Variants in LTF observed in about 807,000 individuals in gnomAD.
The protein encoded by LTF is epididymis luminal protein 110.
In LTF, 91 loss-of-function variants were observed where a neutral mutation model predicts 87.2. The observed-to-expected ratio is 1.04, with a 90% confidence interval of 0.88 to 1.24. LTF has a LOEUF of 1.24. Among genes scored for constraint, LTF ranks in the 50% most tolerant of loss-of-function variants. The probability of loss-of-function intolerance (pLI) is 0.00; values close to 1 mark genes in which losing one functional copy is unlikely to be tolerated. For missense variants in LTF, 901 were observed against 904.3 expected, an observed-to-expected ratio of 1.00 and a Z score of 0.05; for synonymous variants, 378 against 356.1, an observed-to-expected ratio of 1.06 and a Z score of -0.69.
At chr3:46,481,165 A>G (rs7374925) in intron 1 of LTF, among the ~76,000 whole-genome samples, 127,274 of 152,206 alleles carry the variant, frequency 0.84, 53,825 homozygotes, top group East Asian at 0.99. Context: ...GACCTCTTCC[A>G]TCCTGCAACT....
upstream of LTF, among the ~76,000 whole-genome samples, chr3:46,466,426 G>A (rs1703214805): frequency 1.3e-5 from 2 of 152,182 alleles, no homozygotes; most frequent in South Asian, 4.1e-4. Flanking sequence ...GCATTTCCTG[G>A]AGCAGATAGG....
chr3:46,441,227 C>T (rs1007738723), intron 14 of LTF, among the ~76,000 whole-genome samples, 189 bp downstream of exon 14: 4 of 151,834 alleles, frequency 2.6e-5, no homozygotes, highest in Non-Finnish European at 5.9e-5. Flanking sequence ...GTATGAATTT[C>T]GTTTCAAAAT....
chr3:46,465,197 C>A, upstream of LTF: 1 of 416,530 alleles, frequency 2.4e-6, no homozygotes, highest in Non-Finnish European at 4.3e-6. Flanking sequence ...GCTCTGGTCT[C>A]AGTGCCTTCT....
chr3:46,465,650 G>C (rs188728065), upstream of LTF, among the ~76,000 whole-genome samples: 398 of 146,368 alleles, frequency 2.7e-3, 1 homozygote, highest in African/African-American at 9.8e-3. Context: ...CTTCTTTTTT[G>C]GTGTTGATAG....
chr3:46,477,270 A>G (rs757900039), intron 1 of LTF, among the ~76,000 whole-genome samples: 19 of 152,212 alleles, frequency 1.2e-4, no homozygotes, highest in Non-Finnish European at 2.5e-4. Flanking sequence ...TTCTTTCAAT[A>G]TTCTTCAGAG....
exon 2 of LTF, chr3:46,470,402 A>G (rs538800219): frequency 1.3e-5 from 2 of 152,484 alleles, no homozygotes; most frequent in African/African-American, 4.8e-5. Flanking sequence ...ACAAGGTTGC[A>G]TTCTGGAGGG....
At chr3:46,459,273 G>T (rs1330170474) in intron 2 of LTF, among the ~76,000 whole-genome samples, 2 of 152,264 alleles carry the variant, frequency 1.3e-5, no homozygotes, top group African/African-American at 2.4e-5. Flanking sequence ...CGGTGACCAG[G>T]ACAAGCTTCT....
At chr3:46,438,272 C>A in intron 15 of LTF, 143 bp from the exon 16 acceptor site, 1 of 712,358 alleles carries the variant, frequency 1.4e-6, no homozygotes, top group Non-Finnish European at 2.4e-6. Context: ...GTCATTCCAC[C>A]TCCTTAGTGG....
At chr3:46,460,352 G>A (rs4234463) in intron 1 of LTF, among the ~76,000 whole-genome samples, 4 of 152,038 alleles carry the variant, frequency 2.6e-5, no homozygotes, top group African/African-American at 4.8e-5. Flanking sequence ...ATATACCTGA[G>A]TCGGTTGGTA....
At chr3:46,455,189 C>T (rs1386953023) in intron 5 of LTF, 106 bp downstream of exon 5, 9 of 1,373,274 alleles carry the variant, frequency 6.6e-6, no homozygotes, top group Middle Eastern at 2.2e-4. Context: ...GACCTCCTCT[C>T]GTCCCCAAGA....
intron 10 of LTF, among the ~76,000 whole-genome samples, chr3:46,446,946 G>T (rs950833684): frequency 1.2e-4 from 18 of 152,156 alleles, no homozygotes; most frequent in Non-Finnish European, 2.9e-5. Context: ...GGGGGCGGGG[G>T]ACAGGAGGAC....
intron 6 of LTF, 137 bp from the exon 7 acceptor site, chr3:46,450,810 G>A (rs953767889): frequency 2.4e-5 from 17 of 721,672 alleles, no homozygotes; most frequent in South Asian, 2.1e-4. Flanking sequence ...AAAGGCAGGG[G>A]TTTGCTCCAG....
In LTF at chr3:46,437,850, C is replaced by A; in HGVS notation, c.2098+90G>T. ...TTATCTTTCCTTAACATTTTTACAC[C>A]TGTGTTCGTTCCTAGAATGCTGTTT... On this transcript the variant is annotated intron_variant, in intron 16 of 16. Coordinates refer to ENST00000231751, the MANE Select transcript of LTF (RefSeq NM_002343.6). 7 of 927,762 alleles carry A rather than the reference C, an allele frequency of 7.5e-6. No individual in the cohort carries two copies. The South Asian group carries it at 1.0e-4, about 13-fold the overall frequency. The allele number at this position is 927,762 out of a possible 1,614,324, so 57.5% of individuals were successfully genotyped here. A position where few individuals can be genotyped will look rare whatever the true frequency, so the allele number is the denominator to read the frequency against.
At chr3:46,464,743 G>C in intron 1 of LTF, 82 bp downstream of exon 1, 1 of 1,522,750 alleles carries the variant, frequency 6.6e-7, no homozygotes, top group Admixed American at 1.8e-5. Context: ...CAGCCAACCG[G>C]ACACAGGGAC....
intron 1 of LTF, among the ~76,000 whole-genome samples, chr3:46,471,348 C>G (rs1190569170): frequency 6.6e-6 from 1 of 152,180 alleles, no homozygotes; most frequent in African/African-American, 2.4e-5. Flanking sequence ...CCCTCTCTGC[C>G]TTAAACACCT....
At chr3:46,455,587 AC>A (rs1702908423) in intron 4 of LTF, 145 bp from the exon 5 acceptor site, 2 of 1,156,270 alleles carry the variant, frequency 1.7e-6, no homozygotes, top group African/African-American at 1.5e-5. Flanking sequence ...GGAGCTCGAG[AC>A]ATGCACCTCT....
At chr3:46,439,013 G>A (rs1382162977) in intron 15 of LTF, among the ~76,000 whole-genome samples, 1 of 152,148 alleles carries the variant, frequency 6.6e-6, no homozygotes, top group Non-Finnish European at 1.5e-5. Flanking sequence ...AGAACAGCAG[G>A]AGGGAAAAAG....
chr3:46,463,236 A>C (rs34445409), intron 1 of LTF, among the ~76,000 whole-genome samples: 9 of 152,206 alleles, frequency 5.9e-5, no homozygotes, highest in Non-Finnish European at 8.8e-5. Flanking sequence ...CATTCTGGGC[A>C]GACATGCAGT....
intron 10 of LTF, 116 bp from the exon 11 acceptor site, chr3:46,446,609 C>A: frequency 1.2e-6 from 1 of 815,206 alleles, no homozygotes; most frequent in South Asian, 1.7e-5. Flanking sequence ...CCAGCAGTTC[C>A]ATGCAGGAGA....
Sources: gnomAD v4.1 joint callset for allele counts (sites outside exome capture counted in the v4.1 genomes callset) on GRCh38, gnomAD v4.1.1 for gene constraint, MANE v1.5 for transcripts, NCBI Gene and HGNC (gene_info 2026-07-23, HGNC 2026-07-21) for gene names.